MTIF2: variants seen among roughly 807,000 people sequenced by gnomAD.
MTIF2 encodes translation initiation factor IF-2, mitochondrial.
MTIF2 carries 71 observed loss-of-function variants against 83.5 expected under a neutral mutation model. That is an observed-to-expected ratio of 0.85 (90% CI 0.70 to 1.04). MTIF2 has a LOEUF of 1.04. Among genes scored for constraint, MTIF2 ranks in the 50% least tolerant of loss-of-function variants. The pLI, the probability that MTIF2 is intolerant of heterozygous loss-of-function variation, is 0.00. For synonymous variants in MTIF2, 319 were observed against 287.1 expected (o/e 1.11, Z -1.12); for missense variants, 957 against 846.5 (o/e 1.13, Z -1.62).
At chr2:55,250,322 A>T (rs1195632885) in intron 8 of MTIF2, among the ~76,000 whole-genome samples, 1 of 151,700 alleles carries the variant, frequency 6.6e-6, no homozygotes, top group Non-Finnish European at 1.5e-5. Flanking sequence ...CACAGTTCAA[A>T]CCCGTGATGT....
rs1676523970 is a variant in MTIF2, at chr2:55,244,158, T to C, written c.1182A>G (p.Ala394=). The C allele has an allele frequency of 6.2e-7, 1 of 1,614,168 alleles. No homozygotes were observed. The highest frequency in any genetic ancestry group is 8.5e-7 in the Non-Finnish European group (1 of 1,180,022). ...TTTCATCAAACATTAAGCGTACTTT[T>C]GCCCAACATTTTCCAGCAACCAGAA... ...GSVLVAGKCW[A]KVRLMFDENG... The change falls in exon 11 of 16, where the codon GCA becomes GCG. Residue 394 remains alanine (A), a synonymous_variant. Transcript: ENST00000263629.
Position 55,263,705 on chromosome 2 carries a change from G to C in MTIF2, c.154C>G (p.Pro52Ala), listed in dbSNP as rs765821295. ...PVWTAQLCAW[P>A]WPTDVLTGAA... is the part of the protein sequence containing the mutation. ...CCAGTGAGCACATCTGTTGGCCAGG[G>C]CCAGGCACACAGTTGAGCTGTCCAC... Residue 52 changes from proline (P) to alanine (A), a missense_variant, in exon 4 of 16, where the codon CCC becomes GCC. This residue lies in a region of MTIF2 where 733 missense variants were observed against 648.7 expected (regional missense o/e 1.13). Transcript: ENST00000263629. The C allele has an allele frequency of 9.3e-6, 15 of 1,613,956 alleles. No individual in the cohort carries two copies. In the South Asian group the frequency reaches 1.4e-4, roughly 15 times the overall value.
At chr2:55,255,895 G>A (rs1463658992) in intron 5 of MTIF2, among the ~76,000 whole-genome samples, 1 of 151,028 alleles carries the variant, frequency 6.6e-6, no homozygotes, top group African/African-American at 2.4e-5. Flanking sequence ...TTTTTTTTTG[G>A]GACAGAGTTT....
Position 55,262,320 on chromosome 2 carries a change from G to GA in MTIF2, c.326_327insT (p.Thr110HisfsTer6), listed in dbSNP as rs1410799195. 2 of 1,606,252 alleles carry GA rather than the reference G, an allele frequency of 1.2e-6. No homozygotes were observed. The highest frequency in any genetic ancestry group is 1.3e-5 in the African/African-American group (1 of 74,582). ...TTGTAAAAATATCTGACTCACCTGT[G>GA]TTTTTTTCCATTGCCCTGGCCAGTT... is the stretch of plus-strand genomic sequence containing the variant. On this transcript the variant is annotated frameshift_variant, in exon 5 of 16. Coordinates refer to ENST00000263629, the MANE Select transcript of MTIF2 (RefSeq NM_002453.3). LOFTEE classifies it high-confidence loss of function.
intron 13 of MTIF2, 80 bp from the exon 14 acceptor site, chr2:55,240,255 G>T: frequency 3.1e-6 from 4 of 1,298,770 alleles, no homozygotes; most frequent in Non-Finnish European, 4.3e-6. Context: ...GCAGAAACTT[G>T]AATCTAAATT....
rs1676456121 is a variant in MTIF2, at chr2:55,243,292, G to A, written c.1564+124C>T. The A allele has an allele frequency of 8.8e-6, 10 of 1,133,324 alleles. 1 individual carries two copies. Among genetic ancestry groups the A allele is most frequent in the Non-Finnish European group, 1.2e-5 (10 of 815,746 alleles). The allele number at this position is 1,133,324 out of a possible 1,614,324, so 70.2% of individuals were successfully genotyped here. ...CAACAAAATCAGCAAGAAATATGTTGACTAAGAAAAACTCTCCTAAAATAT... is the reference window on the plus strand; with the variant it reads ...CAACAAAATCAGCAAGAAATATGTTAACTAAGAAAAACTCTCCTAAAATAT... On this transcript the variant is annotated intron_variant, in intron 12 of 15. Transcript: ENST00000263629.
chr2:55,238,184 C>T (rs1008100425), intron 14 of MTIF2, among the ~76,000 whole-genome samples: 1 of 9,894 alleles, frequency 1.0e-4, no homozygotes, highest in African/African-American at 1.1e-3. Context: ...GTGCGTGCCA[C>T]CATGCCCACT....
intron 7 of MTIF2, among the ~76,000 whole-genome samples, chr2:55,252,936 TAGAGAC>T (rs369004505): frequency 4.6e-5 from 7 of 152,316 alleles, no homozygotes; most frequent in African/African-American, 7.2e-5. Flanking sequence ...ATATCTATTT[TAGAGAC>T]AGAACAGACC....
intron 9 of MTIF2, 79 bp downstream of exon 9, chr2:55,249,315 GT>G: frequency 2.7e-6 from 4 of 1,481,618 alleles, no homozygotes; most frequent in Non-Finnish European, 3.6e-6. Context: ...ACATCAAAAT[GT>G]TCTTTAGATG....
rs184038046 is a variant in MTIF2, at chr2:55,246,385, C to T, written c.1058G>A (p.Gly353Asp). ...CTCTATTACTGTTCCTTCCACTGGA[C>T]CATTGGGATCTGCTTTCAATTCTAA... ...EMLELKADPNGPVEGTVIESF... is the reference protein window; with the variant it reads ...EMLELKADPNDPVEGTVIESF... Residue 353 changes from glycine (G) to aspartate (D), a missense_variant, in exon 10 of 16, where the codon GGT becomes GAT. This residue lies in a region of MTIF2 where 733 missense variants were observed against 648.7 expected (regional missense o/e 1.13). Transcript: ENST00000263629. The T allele has an allele frequency of 6.2e-7, 1 of 1,613,828 alleles. No homozygotes were observed. Among genetic ancestry groups the T allele is most frequent in the East Asian group, 2.2e-5 (1 of 44,846 alleles).
In MTIF2 at chr2:55,246,336, C is replaced by T; in HGVS notation, c.1106+1G>A. 2 of 1,612,268 alleles carry T rather than the reference C, an allele frequency of 1.2e-6. No homozygotes were observed. The highest frequency in any genetic ancestry group is 2.2e-5 in the South Asian group (2 of 90,802). ...AAAGGCAAGCATTTTAAGAGTCCTA[C>T]CCTCTTCCTTTGTCTGTGAAAGACT... On this transcript the variant is annotated splice_donor_variant, in intron 10 of 15. Coordinates refer to ENST00000263629, the MANE Select transcript of MTIF2 (RefSeq NM_002453.3). LOFTEE classifies it high-confidence loss of function.
intron 8 of MTIF2, among the ~76,000 whole-genome samples, chr2:55,251,255 C>T (rs985729317): frequency 2.0e-5 from 3 of 151,952 alleles, no homozygotes; most frequent in African/African-American, 7.2e-5. Flanking sequence ...TAATGGGATC[C>T]CTGGCAAATT....
At chr2:55,264,327 GC>G (rs1053380994) in intron 3 of MTIF2, among the ~76,000 whole-genome samples, 2 of 152,146 alleles carry the variant, frequency 1.3e-5, no homozygotes, top group African/African-American at 4.8e-5. Flanking sequence ...GACCTCCCAG[GC>G]TAAGGTGATG....
chr2:55,254,668 T>G lies in MTIF2; in HGVS notation c.489A>C (p.Lys163Asn). 1.9e-6 allele frequency: 3 copies of G among 1,602,816 alleles called. No individual in the cohort carries two copies. The highest frequency in any genetic ancestry group is 2.6e-6 in the Non-Finnish European group (3 of 1,175,212). ...KLKQDKVRKNKDAVRRPQADP... is the reference protein window; with the variant it reads ...KLKQDKVRKNNDAVRRPQADP... ...TTAAGTTTTACCTTCTTACAGCATC[T>G]TTATTTTTTCTGACTTTGTCCTGTT... is the stretch of plus-strand genomic sequence containing the variant. Residue 163 changes from lysine to asparagine, a missense_variant, in exon 6 of 16, where the codon AAA becomes AAC. By Grantham distance (94) the Lys-to-Asn change is moderately conservative. Around this residue, in one of 3 missense-constraint regions of MTIF2, gnomAD observed 733 missense variants for 648.7 expected, o/e 1.13. Coordinates refer to ENST00000263629, the MANE Select transcript of MTIF2 (RefSeq NM_002453.3).
intron 14 of MTIF2, 126 bp downstream of exon 14, chr2:55,239,885 A>AT: frequency 2.5e-6 from 2 of 793,126 alleles, no homozygotes; most frequent in Non-Finnish European, 1.9e-6. Context: ...CATGGTAGTC[A>AT]TTTTTTTCTA....
chr2:55,262,842 C>A (rs1678136530), intron 4 of MTIF2, among the ~76,000 whole-genome samples: 1 of 152,196 alleles, frequency 6.6e-6, no homozygotes, highest in South Asian at 2.1e-4. Flanking sequence ...GCTTCTCCTG[C>A]CTCAGCCTCC....
At chr2:55,252,426 C>T (rs2104390723) in intron 8 of MTIF2, 51 bp downstream of exon 8, 1 of 1,536,394 alleles carries the variant, frequency 6.5e-7, no homozygotes. Flanking sequence ...TGTAAATGGC[C>T]CCAGAACTTT....
chr2:55,248,772 C>T (rs1436916028), intron 9 of MTIF2, among the ~76,000 whole-genome samples: 1 of 152,068 alleles, frequency 6.6e-6, no homozygotes, highest in Non-Finnish European at 1.5e-5. Context: ...GCTGTAAGAC[C>T]TGTTTTCCAC....
intron 10 of MTIF2, among the ~76,000 whole-genome samples, chr2:55,244,971 T>C (rs980055105): frequency 6.6e-6 from 1 of 151,534 alleles, no homozygotes; most frequent in Non-Finnish European, 1.5e-5. Context: ...CACTTGAACC[T>C]GGGAGGCAGA....
Sources: gnomAD v4.1 joint callset for allele counts (sites outside exome capture counted in the v4.1 genomes callset) on GRCh38, gnomAD v4.1.1 for gene constraint, gnomAD v4.1.1 regional missense constraint, MANE v1.5 for transcripts, NCBI Gene and HGNC (gene_info 2026-07-23, HGNC 2026-07-21) for gene names.